Variants in SLC35F2 observed in about 807,000 individuals in gnomAD.
SLC35F2 encodes queuine/queuosine transporter SLC35F2.
Under a neutral mutation model 38.1 loss-of-function variants are expected in SLC35F2, and 25 were observed. The observed-to-expected ratio is 0.66, with a 90% CI of 0.48 to 0.92. The LOEUF (loss-of-function observed/expected upper bound fraction) is 0.92. Among genes scored for constraint, SLC35F2 ranks in the 40% least tolerant of loss-of-function variants. The pLI, the probability that SLC35F2 is intolerant of heterozygous loss-of-function variation, is 0.00. For synonymous variants in SLC35F2, 173 were observed against 181.7 expected (o/e 0.95, Z 0.38); for missense variants, 409 against 452.9 (o/e 0.90, Z 0.88).
intron 1 of SLC35F2, among the ~76,000 whole-genome samples, chr11:107,837,328 G>T (rs2134834756): frequency 6.6e-6 from 1 of 152,160 alleles, no homozygotes; most frequent in Admixed American, 6.5e-5. Flanking sequence ...CAAATAAATA[G>T]CAGCACTAGA....
In SLC35F2 at chr11:107,831,925, C is replaced by A. The variant is rs1859848754; in HGVS notation, c.111-15960G>T. On this transcript the variant is annotated intron_variant, in intron 1 of 7. Transcript: ENST00000525815. Reference sequence around the variant, plus strand: ...TATGTTCATAAGGTTTTGCCAAAACCACAGTCTCACTATTTAATGAAGCAA... The same window carrying A: ...TATGTTCATAAGGTTTTGCCAAAACAACAGTCTCACTATTTAATGAAGCAA... Among the ~76,000 whole-genome samples, 3 of 152,100 alleles carry A rather than the reference C, an allele frequency of 2.0e-5. No individual in the cohort carries two copies. The South Asian group carries it at 6.2e-4, about 32-fold the overall frequency.
At chr11:107,843,915 TAA>T (rs1860062304) in intron 1 of SLC35F2, among the ~76,000 whole-genome samples, 1 of 124,704 alleles carries the variant, frequency 8.0e-6, no homozygotes, top group African/African-American at 3.0e-5. Context: ...ATATGTATAT[TAA>T]TTAAGCCATT....
intron 1 of SLC35F2, among the ~76,000 whole-genome samples, chr11:107,844,327 C>T (rs1194144160): frequency 3.9e-5 from 6 of 151,980 alleles, no homozygotes; most frequent in African/African-American, 9.7e-5. Flanking sequence ...TAATACCTGC[C>T]GCAGAAAGTT....
chr11:107,792,471 TG>T lies in SLC35F2; in HGVS notation c.*143del. ...ATTTCTACTTTTGAACTTTGTTCAG[TG>T]TTCCTTTCTAAAACCTAACCACTGG... is the stretch of plus-strand genomic sequence containing the variant. On this transcript the variant is annotated 3_prime_UTR_variant, in exon 8 of 8. Coordinates refer to ENST00000525815, the MANE Select transcript of SLC35F2 (RefSeq NM_017515.5). The T allele has an allele frequency of 1.1e-6, 1 of 891,606 alleles. No individual in the cohort carries two copies. The allele number at this position is 891,606 out of a possible 1,614,324, so 55.2% of individuals were successfully genotyped here.
At chr11:107,830,595 A>G (rs1335959495) in intron 1 of SLC35F2, among the ~76,000 whole-genome samples, 7 of 151,618 alleles carry the variant, frequency 4.6e-5, no homozygotes, top group Middle Eastern at 6.8e-3. Flanking sequence ...AAAAAAAAAA[A>G]AAAAGAAAAG....
chr11:107,851,806 T>C (rs1204989124), intron 1 of SLC35F2, among the ~76,000 whole-genome samples: 1 of 152,138 alleles, frequency 6.6e-6, no homozygotes, highest in Non-Finnish European at 1.5e-5. Context: ...GAAGAATTTA[T>C]GGAGACTCGT....
intron 3 of SLC35F2, chr11:107,809,501 G>A (rs377267725): frequency 3.7e-4 from 59 of 158,612 alleles, no homozygotes; most frequent in East Asian, 7.8e-4. Flanking sequence ...GTGTGGTGGC[G>A]CGTGCCTGTA....
At chr11:107,844,359 G>A (rs1401750126) in intron 1 of SLC35F2, among the ~76,000 whole-genome samples, 2 of 152,146 alleles carry the variant, frequency 1.3e-5, no homozygotes, top group Non-Finnish European at 2.9e-5. Context: ...CAGCCACGGT[G>A]GCTCCCGCCT....
intron 1 of SLC35F2, among the ~76,000 whole-genome samples, chr11:107,822,481 G>C (rs1859688339): frequency 6.6e-6 from 1 of 152,084 alleles, no homozygotes; most frequent in African/African-American, 2.4e-5. Context: ...TTAGAATTAA[G>C]ACTCACCTAT....
chr11:107,802,242 A>AAAATAAATAAAT (rs1555082409), intron 7 of SLC35F2, among the ~76,000 whole-genome samples: 33 of 147,980 alleles, frequency 2.2e-4, no homozygotes, highest in African/African-American at 8.4e-4. Flanking sequence ...CATCTCAAAA[A>AAAATAAATAAAT]AAATAAATAA....
intron 1 of SLC35F2, chr11:107,821,684 G>C (rs889343881): frequency 2.2e-6 from 2 of 903,412 alleles, no homozygotes; most frequent in African/African-American, 3.6e-5. Context: ...GAAGAAACAT[G>C]CATCTGACCT....
chr11:107,792,947 C>T (rs1352314735), intron 7 of SLC35F2, 147 bp from the exon 8 acceptor site: 14 of 1,332,524 alleles, frequency 1.1e-5, no homozygotes, highest in Admixed American at 3.8e-5. Flanking sequence ...GACAGGGTCT[C>T]GCTCTGTGGC....
intron 1 of SLC35F2, among the ~76,000 whole-genome samples, chr11:107,838,699 T>A (rs1330648575): frequency 8.4e-6 from 1 of 119,080 alleles, no homozygotes; most frequent in Non-Finnish European, 1.8e-5. Context: ...CGCTATCTCA[T>A]CTCACTGCAA....
intron 1 of SLC35F2, among the ~76,000 whole-genome samples, chr11:107,833,981 G>T (rs1859890499): frequency 6.6e-6 from 1 of 152,248 alleles, no homozygotes; most frequent in Admixed American, 6.5e-5. Context: ...ATTAGAGTTA[G>T]ATATAGATGC....
At chr11:107,796,756 C>T (rs1182574984) in intron 7 of SLC35F2, among the ~76,000 whole-genome samples, 1 of 152,150 alleles carries the variant, frequency 6.6e-6, no homozygotes, top group Admixed American at 6.5e-5. Flanking sequence ...GCAACCTGTG[C>T]CTCCCAGGCT....
At chr11:107,815,717 G>A in intron 2 of SLC35F2, 73 bp downstream of exon 2, 1 of 1,490,944 alleles carries the variant, frequency 6.7e-7, no homozygotes. Context: ...ACAGAATTTA[G>A]AGGTGTCATA....
At chr11:107,831,437 C>A (rs1565436984) in intron 1 of SLC35F2, among the ~76,000 whole-genome samples, 2 of 152,160 alleles carry the variant, frequency 1.3e-5, no homozygotes. Context: ...GTTGCCCAGG[C>A]TGGTCTCAAA....
intron 1 of SLC35F2, among the ~76,000 whole-genome samples, chr11:107,833,885 C>G (rs961276486): frequency 2.0e-5 from 3 of 152,096 alleles, no homozygotes; most frequent in African/African-American, 7.2e-5. Context: ...ATCAAAGAAA[C>G]AAATGGTTAC....
chr11:107,843,667 C>A (rs1322830687), intron 1 of SLC35F2, among the ~76,000 whole-genome samples: 2 of 151,106 alleles, frequency 1.3e-5, no homozygotes, highest in African/African-American at 4.9e-5. Context: ...TCAGCCTGGG[C>A]AAAATAGCAA....
Sources: gnomAD v4.1 joint callset for allele counts (sites outside exome capture counted in the v4.1 genomes callset) on GRCh38, gnomAD v4.1.1 for gene constraint, MANE v1.5 for transcripts, NCBI Gene and HGNC (gene_info 2026-07-23, HGNC 2026-07-21) for gene names.